The following KIF26B variants were observed in gnomAD, a reference collection of about 807,000 sequenced individuals.
The protein encoded by KIF26B is kinesin family member 26B, also known as kinesin-like protein KIF26B.
In KIF26B, 63 loss-of-function variants were observed where a neutral mutation model predicts 151.2. The ratio of observed to expected loss-of-function variants is 0.42; its 90% confidence interval spans 0.34 to 0.51. KIF26B has a LOEUF of 0.51. KIF26B is among the 20% of genes least tolerant of loss of function. KIF26B has a pLI of 0.07. For synonymous variants in KIF26B, 1,357 were observed against 1,262.1 expected, an observed-to-expected ratio of 1.08 and a Z score of -1.59; for missense variants, 2,813 against 2,913.6, an observed-to-expected ratio of 0.97 and a Z score of 0.79.
intron 5 of KIF26B, among the ~76,000 whole-genome samples, chr1:245,565,077 C>A (rs1471770886): frequency 6.6e-6 from 1 of 152,148 alleles, no homozygotes; most frequent in Admixed American, 6.5e-5. Context: ...TTCAAGGCTG[C>A]AATGAGCTAT....
chr1:245,548,759 T>TTTTTA (rs1553286724), intron 5 of KIF26B, among the ~76,000 whole-genome samples: 44 of 150,586 alleles, frequency 2.9e-4, no homozygotes, highest in African/African-American at 1.0e-3. Context: ...TTTTTTTTTT[T>TTTTTA]AAAAACAGGG....
rs138352205 is a variant in KIF26B at position 245,458,447 on chromosome 1, A to G, written c.1166+38702A>G. On this transcript the variant is annotated intron_variant, in intron 4 of 14. Transcript: ENST00000407071. ...GCCCGTCAGTGACTGATCCAAGACT[A>G]AATTCCAGGCTCTAGACGCACATGG... Among the ~76,000 whole-genome samples, 50 of 152,316 alleles carry G rather than the reference A, an allele frequency of 3.3e-4. 1 individual carries two copies. The highest frequency in any genetic ancestry group is 1.2e-3 in the African/African-American group (48 of 41,566).
chr1:245,430,476 G>A (rs1449590915), intron 4 of KIF26B, among the ~76,000 whole-genome samples: 1 of 151,952 alleles, frequency 6.6e-6, no homozygotes, highest in African/African-American at 2.4e-5. Flanking sequence ...ACCAGCCTGG[G>A]CAACATAGCA....
chr1:245,230,741 G>A (rs1669979368), intron 2 of KIF26B, among the ~76,000 whole-genome samples: 2 of 145,986 alleles, frequency 1.4e-5, no homozygotes, highest in Admixed American at 6.9e-5. Flanking sequence ...GAAACTTCAT[G>A]TAAAAAAAAA....
chr1:245,574,913 G>C (rs553252133), intron 5 of KIF26B, among the ~76,000 whole-genome samples: 7 of 144,894 alleles, frequency 4.8e-5, no homozygotes, highest in Admixed American at 4.1e-4. Flanking sequence ...GCCCAGGCTG[G>C]AGCGCCAGTG....
intron 2 of KIF26B, among the ~76,000 whole-genome samples, chr1:245,242,262 G>A (rs1333815536): frequency 6.6e-6 from 1 of 152,164 alleles, no homozygotes; most frequent in African/African-American, 2.4e-5. Context: ...CATATTGAAT[G>A]TCCGGCATTA....
chr1:245,224,264 A>G (rs1165929612), intron 2 of KIF26B, among the ~76,000 whole-genome samples: 2 of 149,600 alleles, frequency 1.3e-5, no homozygotes, highest in Non-Finnish European at 1.5e-5. Context: ...CAGCCTGGGC[A>G]ACAAGAGCAA....
At chr1:245,300,021 T>C (rs1573760938) in intron 2 of KIF26B, among the ~76,000 whole-genome samples, 1 of 152,314 alleles carries the variant, frequency 6.6e-6, no homozygotes, top group East Asian at 1.9e-4. Context: ...TAGCAGACAT[T>C]GCAAAATGTC....
At chr1:245,175,503 T>A (rs1417008229) in intron 2 of KIF26B, among the ~76,000 whole-genome samples, 1 of 152,098 alleles carries the variant, frequency 6.6e-6, no homozygotes. Context: ...CATGGTTGCC[T>A]GTTTATTTTG....
At chr1:245,573,528 A>G (rs1264117617) in intron 5 of KIF26B, among the ~76,000 whole-genome samples, 1 of 152,098 alleles carries the variant, frequency 6.6e-6, no homozygotes, top group East Asian at 1.9e-4. Flanking sequence ...GTCTCACAAA[A>G]AAATTAAAAA....
intron 2 of KIF26B, among the ~76,000 whole-genome samples, chr1:245,180,403 A>G (rs1220142151): frequency 6.6e-6 from 1 of 152,172 alleles, no homozygotes; most frequent in African/African-American, 2.4e-5. Context: ...AGCTTGGGCA[A>G]CTTACTCAAC....
At chr1:245,677,257 A>G (rs986909881) in intron 10 of KIF26B, among the ~76,000 whole-genome samples, 5 of 152,142 alleles carry the variant, frequency 3.3e-5, no homozygotes, top group African/African-American at 4.8e-5. Context: ...TGAGACAACT[A>G]ATCATCGTGT....
At chr1:245,676,938 C>T (rs1261111796) in intron 10 of KIF26B, among the ~76,000 whole-genome samples, 1 of 152,236 alleles carries the variant, frequency 6.6e-6, no homozygotes, top group Non-Finnish European at 1.5e-5. Flanking sequence ...ATCATGGTGC[C>T]AGCCCCAAAT....
chr1:245,520,340 G>T (rs1196564959), intron 4 of KIF26B, among the ~76,000 whole-genome samples: 1 of 152,162 alleles, frequency 6.6e-6, no homozygotes, highest in African/African-American at 2.4e-5. Flanking sequence ...AGAGGCTTGG[G>T]AAAACACATG....
chr1:245,206,572 A>T (rs1669410130), intron 2 of KIF26B: 1 of 152,218 alleles, frequency 6.6e-6, no homozygotes, highest in Non-Finnish European at 1.5e-5. Context: ...TGATCTGAAG[A>T]ATGAACCGTC....
At chr1:245,556,026 G>A (rs1018377078) in intron 5 of KIF26B, among the ~76,000 whole-genome samples, 2 of 152,122 alleles carry the variant, frequency 1.3e-5, no homozygotes, top group East Asian at 1.9e-4. Context: ...CAGGCTCATC[G>A]TTTCCAAAGA....
intron 5 of KIF26B, among the ~76,000 whole-genome samples, chr1:245,575,445 A>G (rs2043109609): frequency 6.6e-6 from 1 of 151,868 alleles, no homozygotes; most frequent in Non-Finnish European, 1.5e-5. Context: ...ACTATACTCC[A>G]GCCTGGGCAA....
intron 3 of KIF26B, among the ~76,000 whole-genome samples, chr1:245,400,496 T>TG (rs528730316): frequency 6.6e-6 from 1 of 151,286 alleles, no homozygotes; most frequent in African/African-American, 2.4e-5. Context: ...GAGTTTTTTT[T>TG]TTTTTTTTTT....
At chr1:245,461,387 T>C (rs1376487793) in intron 4 of KIF26B, among the ~76,000 whole-genome samples, 1 of 151,762 alleles carries the variant, frequency 6.6e-6, no homozygotes, top group African/African-American at 2.4e-5. Flanking sequence ...GCCCAAGCAA[T>C]GCCCCCACCT....
Sources: gnomAD v4.1 joint callset for allele counts (sites outside exome capture counted in the v4.1 genomes callset) on GRCh38, gnomAD v4.1.1 for gene constraint, MANE v1.5 for transcripts, NCBI Gene and HGNC (gene_info 2026-07-23, HGNC 2026-07-21) for gene names.